IQCH: variants seen among roughly 807,000 people sequenced by gnomAD.
IQCH encodes the protein IQ motif containing H.
In IQCH, 98 loss-of-function variants were observed where a neutral mutation model predicts 117.0. The observed-to-expected ratio is 0.84, with a 90% CI of 0.71 to 0.99. IQCH has a LOEUF of 0.99. IQCH is among the 50% of genes least tolerant of loss of function. The probability of loss-of-function intolerance (pLI) is 0.00; values close to 1 mark genes in which losing one functional copy is unlikely to be tolerated. For synonymous variants in IQCH, 412 were observed against 448.2 expected, an observed-to-expected ratio of 0.92 and a Z score of 1.02; for missense variants, 1,102 against 1,243.8, an observed-to-expected ratio of 0.89 and a Z score of 1.72.
intron 15 of IQCH, among the ~76,000 whole-genome samples, chr15:67,420,405 G>A (rs911395584): frequency 1.3e-5 from 2 of 152,168 alleles, no homozygotes; most frequent in Admixed American, 1.3e-4. Context: ...TCTTAGTGCT[G>A]TCAGGTTCTA....
At chr15:67,349,694 A>G (rs1292888985) in intron 6 of IQCH, among the ~76,000 whole-genome samples, 1 of 152,154 alleles carries the variant, frequency 6.6e-6, no homozygotes, top group Admixed American at 6.5e-5. Flanking sequence ...TTTTATCCAG[A>G]ACATATAAAG....
intron 4 of IQCH, chr15:67,306,760 T>C (rs1967317982): frequency 1.9e-6 from 2 of 1,030,624 alleles, no homozygotes; most frequent in Non-Finnish European, 2.9e-6. Flanking sequence ...TGAGACTCAC[T>C]GGTGATTTTT....
chr15:67,499,894 T>C (rs1238736097), intron 20 of IQCH, among the ~76,000 whole-genome samples: 5 of 152,184 alleles, frequency 3.3e-5, no homozygotes, highest in Non-Finnish European at 7.3e-5. Flanking sequence ...GTTTCATTTA[T>C]ATGAAATGTG....
intron 4 of IQCH, chr15:67,306,797 A>C: frequency 4.0e-6 from 6 of 1,493,252 alleles, no homozygotes; most frequent in Non-Finnish European, 5.4e-6. Flanking sequence ...GCCAAATAGT[A>C]ACAAACAACC....
chr15:67,487,210 G>A (rs758813420), intron 18 of IQCH, among the ~76,000 whole-genome samples: 1 of 152,186 alleles, frequency 6.6e-6, no homozygotes, highest in Non-Finnish European at 1.5e-5. Flanking sequence ...CCATGCGCCT[G>A]TAGTCCCAGC....
Position 67,421,428 on chromosome 15 carries a change from G to C in IQCH, c.2356G>C (p.Gly786Arg). 6.2e-7 allele frequency: 1 copy of C among 1,614,112 alleles called. No individual in the cohort carries two copies. Among genetic ancestry groups the C allele is most frequent in the African/African-American group, 1.3e-5 (1 of 75,024 alleles). The change falls in exon 16 of 21, where the codon GGT (glycine) becomes CGT (arginine). Residue 786 changes from glycine to arginine, a missense_variant. This residue lies in a region of IQCH where 650 missense variants were observed against 794.3 expected (regional missense o/e 0.82). Coordinates refer to ENST00000335894, the MANE Select transcript of IQCH (RefSeq NM_001031715.3). ...LHAESPFISS[G>R]TTVPQTSVDP... ...TGCTGAAAGCCCCTTCATCTCCTCT[G>C]GTACCACCGTGCCTCAGACCTCAGT...
chr15:67,330,072 G>C (rs1038328185), intron 4 of IQCH, among the ~76,000 whole-genome samples: 15 of 148,954 alleles, frequency 1.0e-4, no homozygotes, highest in African/African-American at 3.4e-4. Context: ...ATCTCCGGTG[G>C]CTACTCGGCT....
rs1970748565 is a variant in IQCH, at chr15:67,376,744, A to G, written c.1372+3311A>G. On this transcript the variant is annotated intron_variant, in intron 10 of 20. Coordinates refer to ENST00000335894, the MANE Select transcript of IQCH (RefSeq NM_001031715.3). The surrounding 1 kb of genome is among the most constrained non-coding windows in gnomAD (Gnocchi z 5.0). ...TTTCAGTAATGTTTTTGACCACAAA[A>G]TATTTATAAAGTATTTTAAAATCTG... 6.6e-6 allele frequency among the ~76,000 whole-genome samples: 1 copy of G among 152,222 alleles called. No individual in the cohort carries two copies. The highest frequency in any genetic ancestry group is 2.1e-4 in the South Asian group (1 of 4,838).
At chr15:67,394,952 A>G (rs1414347059) in intron 12 of IQCH, among the ~76,000 whole-genome samples, 1 of 152,204 alleles carries the variant, frequency 6.6e-6, no homozygotes, top group African/African-American at 2.4e-5. Context: ...CTTTAATGTT[A>G]AACCATGCCA....
At chr15:67,284,200 C>G (rs1027835282) in intron 4 of IQCH, among the ~76,000 whole-genome samples, 1 of 152,166 alleles carries the variant, frequency 6.6e-6, no homozygotes, top group Non-Finnish European at 1.5e-5. Flanking sequence ...CCACACTACC[C>G]TTCCCAGACT....
rs916995225 is a variant in IQCH, at chr15:67,459,024, C to T, written c.2506-6103C>T. On this transcript the variant is annotated intron_variant, in intron 16 of 20. Coordinates refer to ENST00000335894, the MANE Select transcript of IQCH (RefSeq NM_001031715.3). This position sits in a 1 kb window ranked among gnomAD's most constrained non-coding sequence, Gnocchi z 4.2. Reference sequence around the variant, plus strand: ...GCCTCATAGATACATCTGGAGGCAACAGAGGGAGGATTCACCCAGACTACT... The same window carrying T: ...GCCTCATAGATACATCTGGAGGCAATAGAGGGAGGATTCACCCAGACTACT... Among the ~76,000 whole-genome samples, 1 of 152,194 alleles carries T rather than the reference C, an allele frequency of 6.6e-6. No individual in the cohort carries two copies. The highest frequency in any genetic ancestry group is 6.5e-5 in the Admixed American group (1 of 15,288).
In IQCH at chr15:67,445,987, G is replaced by A. The variant is rs183846823; in HGVS notation, c.2506-19140G>A. On this transcript the variant is annotated intron_variant, in intron 16 of 20. Coordinates refer to ENST00000335894, the MANE Select transcript of IQCH (RefSeq NM_001031715.3). The surrounding 1 kb of genome is among the most constrained non-coding windows in gnomAD (Gnocchi z 4.3). ...GCTTTTCCCCAGAATTGGAGGGACC[G>A]TGTTTCAAATGCCACGTGGCAGCAA... 1.8e-4 allele frequency among the ~76,000 whole-genome samples: 27 copies of A among 152,296 alleles called. No individual in the cohort carries two copies. Among genetic ancestry groups the A allele is most frequent in the Non-Finnish European group, 2.6e-4 (18 of 68,028 alleles).
At chr15:67,421,658 A>G in intron 16 of IQCH, 81 bp downstream of exon 16, 1 of 1,375,270 alleles carries the variant, frequency 7.3e-7, no homozygotes, top group Non-Finnish European at 1.0e-6. Context: ...AACAGGGCAT[A>G]TGAGGGCTCT....
intron 4 of IQCH, among the ~76,000 whole-genome samples, chr15:67,313,965 C>T (rs543122222): frequency 3.0e-4 from 46 of 152,228 alleles, no homozygotes; most frequent in African/African-American, 1.1e-3. Context: ...ATAAAACTGC[C>T]TAAGTAGAGT....
Position 67,465,186 on chromosome 15 carries a change from C to T in IQCH, c.2565C>T (p.Thr855=). 6.2e-7 allele frequency: 1 copy of T among 1,614,168 alleles called. No homozygotes were observed. Among genetic ancestry groups the T allele is most frequent in the Non-Finnish European group, 8.5e-7 (1 of 1,180,018 alleles). Residue 855 remains threonine, a synonymous_variant, in exon 17 of 21, where the codon ACC becomes ACT. Coordinates refer to ENST00000335894, the MANE Select transcript of IQCH (RefSeq NM_001031715.3). This position sits in a 1 kb window ranked among gnomAD's most constrained non-coding sequence, Gnocchi z 5.9. ...YSDQLALTQL[T]LYLTNGHLDC... The stretch of plus-strand genomic sequence containing the variant: ...ACCAGCTGGCCCTGACTCAACTCAC[C>T]TTATACCTGACAAACGGCCATCTGG...
At chr15:67,373,778 T>G in intron 10 of IQCH, 1 of 373,982 alleles carries the variant, frequency 2.7e-6, no homozygotes, top group Non-Finnish European at 4.9e-6. Flanking sequence ...CAGGCTTGTA[T>G]GTGTTGTTGC....
rs201942635 is a variant in IQCH, at chr15:67,473,876, GAT to G, written c.2677-1819_2677-1818del. Among the ~76,000 whole-genome samples, 3,247 of 152,244 alleles carry G rather than the reference GAT, an allele frequency of 0.021. 115 individuals carry two copies. The highest frequency in any genetic ancestry group is 0.071 in the African/African-American group (2,947 of 41,516). ...GCTACAAGTGGGGTAAACAACTCAA[GAT>G]GTATTAGCCTGTGGGGGCCTAACTC... is the stretch of plus-strand genomic sequence containing the variant. On this transcript the variant is annotated intron_variant, in intron 17 of 20. Transcript: ENST00000335894. This position sits in a 1 kb window ranked among gnomAD's most constrained non-coding sequence, Gnocchi z 4.9.
rs543105885 is a variant in IQCH, at chr15:67,420,772, G to T, written c.2219-519G>T. ...CTCTTGGTTCTATATTTTTAAAAAT[G>T]TTTTATAACTGGCTTTATATAGAAG... On this transcript the variant is annotated intron_variant, in intron 15 of 20. Coordinates refer to ENST00000335894, the MANE Select transcript of IQCH (RefSeq NM_001031715.3). Among the ~76,000 whole-genome samples the T allele has an allele frequency of 9.2e-4, 140 of 152,326 alleles. 1 individual carries two copies. Among genetic ancestry groups the T allele is most frequent in the Admixed American group, 4.2e-3 (64 of 15,294 alleles).
chr15:67,478,859 G>A (rs1269361311), intron 18 of IQCH, among the ~76,000 whole-genome samples: 1 of 152,000 alleles, frequency 6.6e-6, no homozygotes, highest in Non-Finnish European at 1.5e-5. Context: ...AAGAGGCAGA[G>A]GTTGCAGTGA....
Sources: gnomAD v4.1 joint callset for allele counts (sites outside exome capture counted in the v4.1 genomes callset) on GRCh38, gnomAD v4.1.1 for gene constraint, gnomAD v4.1.1 regional missense constraint, Gnocchi (gnomAD v3.1) non-coding constraint, MANE v1.5 for transcripts, NCBI Gene and HGNC (gene_info 2026-07-23, HGNC 2026-07-21) for gene names.